TPD52L2: variants seen among roughly 807,000 people sequenced by gnomAD.
TPD52L2 encodes the protein tumor protein D54.
A neutral mutation model predicts 24.7 loss-of-function variants in TPD52L2; 19 were observed. The ratio of observed to expected loss-of-function variants is 0.77; its 90% CI spans 0.54 to 1.13. The LOEUF is 1.13. Ranked by LOEUF, TPD52L2 falls within the 50% of genes most tolerant of loss-of-function variation. TPD52L2 has a pLI of 0.00. For synonymous variants in TPD52L2, 104 were observed against 100.2 expected (o/e 1.04, Z -0.23); for missense variants, 236 against 250.4 (o/e 0.94, Z 0.39).
At position 63,869,877 on chromosome 20, in the gene TPD52L2, C is replaced by T. The variant is rs139409250; in HGVS notation, c.165+436C>T. 7.2e-5 allele frequency among the ~76,000 whole-genome samples: 11 copies of T among 152,322 alleles called. No homozygotes were observed. The East Asian group carries it at 1.9e-3, about 27-fold the overall frequency. On this transcript the variant is annotated intron_variant, in intron 2 of 6. Coordinates refer to ENST00000346249, the MANE Select transcript of TPD52L2 (RefSeq NM_003288.4). ...CAGTGGCTCATGCCTGTAATTCCAG[C>T]GCCTTAGGAGGACAGGGTGGTAAGG...
At chr20:63,881,699 G>A (rs1016539586) in intron 4 of TPD52L2, among the ~76,000 whole-genome samples, 1 of 152,210 alleles carries the variant, frequency 6.6e-6, no homozygotes, top group Non-Finnish European at 1.5e-5. Flanking sequence ...CACTGGTAAC[G>A]CCAAGATGGT....
At chr20:63,873,235 A>G (rs546743915) in intron 2 of TPD52L2, among the ~76,000 whole-genome samples, 1 of 151,322 alleles carries the variant, frequency 6.6e-6, no homozygotes, top group East Asian at 2.0e-4. Context: ...CACGCCTGTA[A>G]TCCCAGCACT....
chr20:63,880,645 CT>C, intron 4 of TPD52L2, among the ~76,000 whole-genome samples: 1 of 151,334 alleles, frequency 6.6e-6, no homozygotes, highest in Non-Finnish European at 1.5e-5. Context: ...AATCCCAACA[CT>C]TTTGGAGGCT....
chr20:63,873,558 A>T, intron 2 of TPD52L2, 110 bp from the exon 3 acceptor site: 1 of 1,268,910 alleles, frequency 7.9e-7, no homozygotes, highest in Non-Finnish European at 1.1e-6. Context: ...AGGACGAGTT[A>T]ATGCTTTGGT....
At chr20:63,885,858 CGGACTGGA>C (rs2053073361) in intron 5 of TPD52L2, among the ~76,000 whole-genome samples, 1 of 152,178 alleles carries the variant, frequency 6.6e-6, no homozygotes, top group Non-Finnish European at 1.5e-5. Context: ...CGGTGGTGTG[CGGACTGGA>C]GGAGCCGTCC....
chr20:63,871,183 C>T (rs1333012219), intron 2 of TPD52L2, among the ~76,000 whole-genome samples: 2 of 151,336 alleles, frequency 1.3e-5, no homozygotes, highest in African/African-American at 2.4e-5. Flanking sequence ...GGTGGGATTA[C>T]AGACGCCTGC....
Position 63,890,038 on chromosome 20 carries a change from G to T in TPD52L2, c.*93G>T. The T allele has an allele frequency of 6.3e-7, 1 of 1,576,156 alleles. No individual in the cohort carries two copies. ...TTCAGCGGAGCAGCCAGCCAGGGCGGATGAGCAGAGCCGGCCCTGAGGACA... is the reference window on the plus strand; with the variant it reads ...TTCAGCGGAGCAGCCAGCCAGGGCGTATGAGCAGAGCCGGCCCTGAGGACA... On this transcript the variant is annotated 3_prime_UTR_variant, in exon 7 of 7. Coordinates refer to ENST00000346249, the MANE Select transcript of TPD52L2 (RefSeq NM_003288.4).
Position 63,889,933 on chromosome 20 carries a change from C to G in TPD52L2, c.609C>G (p.Pro203=). ...GTGGTGACAAGCCCCTGTCGGATCCCGCACCTTTCTAAGCCTGTGGTTGCT... is the reference window on the plus strand; with the variant it reads ...GTGGTGACAAGCCCCTGTCGGATCCGGCACCTTTCTAAGCCTGTGGTTGCT... The part of the protein sequence containing the change: ...AGSGDKPLSD[P]APF The change falls in exon 7 of 7, where the codon CCC becomes CCG. Residue 203 remains proline (P), a synonymous_variant. Transcript: ENST00000346249. The G allele has an allele frequency of 6.2e-7, 1 of 1,614,164 alleles. No homozygotes were observed. Among genetic ancestry groups the G allele is most frequent in the Non-Finnish European group, 8.5e-7 (1 of 1,180,044 alleles).
chr20:63,889,307 A>G lies in TPD52L2; in HGVS notation c.525+69A>G. 3 of 1,350,048 alleles carry G rather than the reference A, an allele frequency of 2.2e-6. No homozygotes were observed. The Admixed American group carries it at 5.3e-5, about 24-fold the overall frequency. 83.6% of individuals were successfully genotyped at this position (1,350,048 alleles called of 1,614,324 possible). On this transcript the variant is annotated intron_variant, in intron 6 of 6. Transcript: ENST00000346249. ...CTGTTACAGCAACTTGTTTATTATT[A>G]GTCATTTAGTTATGGTAGACTCACA...
At chr20:63,868,686 G>A (rs1287015034) in intron 1 of TPD52L2, among the ~76,000 whole-genome samples, 1 of 152,228 alleles carries the variant, frequency 6.6e-6, no homozygotes, top group East Asian at 1.9e-4. Context: ...GCTCACACCT[G>A]TAATCCCAAC....
chr20:63,876,855 C>G (rs1255965538), intron 4 of TPD52L2: 2 of 454,882 alleles, frequency 4.4e-6, no homozygotes, highest in East Asian at 1.4e-4. Context: ...ATGGCTACAG[C>G]AGCCAGCTGT....
At chr20:63,867,470 G>A (rs916944054) in intron 1 of TPD52L2, among the ~76,000 whole-genome samples, 5 of 152,108 alleles carry the variant, frequency 3.3e-5, no homozygotes, top group African/African-American at 7.2e-5. Context: ...GGAGGCTGAG[G>A]CAGGAGAATC....
intron 2 of TPD52L2, among the ~76,000 whole-genome samples, chr20:63,873,429 C>T (rs1217753975): frequency 2.0e-5 from 3 of 150,336 alleles, no homozygotes; most frequent in East Asian, 4.0e-4. Flanking sequence ...GCAGAGGTTG[C>T]GGTGAGCCGA....
intron 2 of TPD52L2, among the ~76,000 whole-genome samples, chr20:63,872,246 C>T (rs1312650774): frequency 2.0e-5 from 3 of 152,148 alleles, no homozygotes; most frequent in Non-Finnish European, 2.9e-5. Context: ...ACCTGTGTCA[C>T]TGTCCATCTG....
intron 4 of TPD52L2, 26 bp from the exon 5 acceptor site, chr20:63,882,693 G>T (rs1362301607): frequency 1.3e-6 from 2 of 1,597,658 alleles, no homozygotes; most frequent in African/African-American, 2.7e-5. Flanking sequence ...ATGCTGTCTG[G>T]TTGATTTAAC....
intron 4 of TPD52L2, 147 bp from the exon 5 acceptor site, chr20:63,882,572 C>A (rs2052942448): frequency 2.9e-6 from 2 of 686,508 alleles, no homozygotes; most frequent in East Asian, 2.7e-5. Context: ...GCCTGCACCC[C>A]CTCTGTAGAC....
At chr20:63,885,207 G>C (rs770273129) in intron 5 of TPD52L2, among the ~76,000 whole-genome samples, 3 of 152,254 alleles carry the variant, frequency 2.0e-5, no homozygotes, top group Non-Finnish European at 4.4e-5. Flanking sequence ...TCCCAGGGCA[G>C]CCCCGGTCTG....
chr20:63,886,226 C>T (rs1225705968), intron 5 of TPD52L2, among the ~76,000 whole-genome samples: 4 of 152,168 alleles, frequency 2.6e-5, no homozygotes, highest in Admixed American at 6.5e-5. Context: ...AGCGTGGGAT[C>T]GACGCAGAGG....
chr20:63,875,571 G>A (rs548641302), intron 3 of TPD52L2, among the ~76,000 whole-genome samples: 1 of 152,332 alleles, frequency 6.6e-6, no homozygotes, highest in Admixed American at 6.5e-5. Context: ...CCTAGCGAGA[G>A]ACCAGGGGCT....
Sources: gnomAD v4.1 joint callset for allele counts (sites outside exome capture counted in the v4.1 genomes callset) on GRCh38, gnomAD v4.1.1 for gene constraint, MANE v1.5 for transcripts, NCBI Gene and HGNC (gene_info 2026-07-23, HGNC 2026-07-21) for gene names.